The following RNF216 variants were observed in gnomAD, a reference collection of about 807,000 sequenced individuals.
RNF216 encodes the protein ring finger protein 216, also known as E3 ubiquitin-protein ligase RNF216.
A neutral mutation model predicts 110.8 loss-of-function variants in RNF216; 72 were observed. That is an observed-to-expected ratio of 0.65 (90% CI 0.54 to 0.79). The LOEUF is 0.79. Ranked by LOEUF, RNF216 falls within the 30% of genes least tolerant of loss-of-function variation. RNF216 has a pLI of 0.00. For missense variants in RNF216, 1,342 were observed against 1,141.2 expected, an observed-to-expected ratio of 1.18 and a Z score of -2.54; for synonymous variants, 495 against 407.5, an observed-to-expected ratio of 1.21 and a Z score of -2.59.
intron 6 of RNF216, among the ~76,000 whole-genome samples, chr7:5,730,154 G>T (rs1156255734): frequency 6.6e-6 from 1 of 152,222 alleles, no homozygotes; most frequent in Non-Finnish European, 1.5e-5. Flanking sequence ...TCTGGGTAAT[G>T]ACCTGCATGC....
chr7:5,759,177 C>T (rs1795798879), intron 2 of RNF216, among the ~76,000 whole-genome samples: 1 of 152,128 alleles, frequency 6.6e-6, no homozygotes, highest in African/African-American at 2.4e-5. Context: ...TCCCCTTTTC[C>T]TTCTGTCATG....
chr7:5,736,422 C>T (rs1171689504), intron 5 of RNF216, among the ~76,000 whole-genome samples: 1 of 152,218 alleles, frequency 6.6e-6, no homozygotes, highest in Non-Finnish European at 1.5e-5. Flanking sequence ...TCACTCAGTG[C>T]TCAGTGTTGC....
intron 13 of RNF216, among the ~76,000 whole-genome samples, chr7:5,698,497 T>C (rs1791770607): frequency 6.6e-6 from 1 of 152,036 alleles, no homozygotes; most frequent in South Asian, 2.1e-4. Context: ...TCAGGTGATC[T>C]TCCCGCCTCA....
intron 13 of RNF216, among the ~76,000 whole-genome samples, chr7:5,661,112 G>T (rs1299135163): frequency 6.6e-6 from 1 of 151,378 alleles, no homozygotes; most frequent in East Asian, 2.0e-4. Context: ...GCTAATTTTT[G>T]TATTTTTAGT....
rs1456478797 is a variant in RNF216, at chr7:5,740,128, T to C, written c.1045-776A>G. Among the ~76,000 whole-genome samples, 6 of 16,560 alleles carry C rather than the reference T, an allele frequency of 3.6e-4. 1 individual carries two copies. Among genetic ancestry groups the C allele is most frequent in the Admixed American group, 1.4e-3 (3 of 2,078 alleles). 10.9% of individuals were successfully genotyped at this position (16,560 alleles called of 152,430 possible). On this transcript the variant is annotated intron_variant, in intron 4 of 16. Transcript: ENST00000389902. ...CCTTTTTTTTTTTTTTTTTTTTTTT[T>C]TTTTTTTTTTTTTTGTGAGATAGAG...
intron 8 of RNF216, among the ~76,000 whole-genome samples, chr7:5,722,895 G>C (rs1014608951): frequency 2.6e-5 from 4 of 151,856 alleles, no homozygotes; most frequent in Non-Finnish European, 5.9e-5. Context: ...AGCTACTTGC[G>C]AGGCTGAGGC....
intron 2 of RNF216, among the ~76,000 whole-genome samples, chr7:5,755,279 TTATAA>T (rs559750906): frequency 1.4e-3 from 209 of 151,882 alleles, no homozygotes; most frequent in African/African-American, 4.9e-3. Flanking sequence ...ACCTATCACC[TTATAA>T]TAAAGTCCAG....
chr7:5,640,148 T>A (rs1343799240), intron 15 of RNF216, among the ~76,000 whole-genome samples: 1 of 151,936 alleles, frequency 6.6e-6, no homozygotes, highest in Non-Finnish European at 1.5e-5. Flanking sequence ...TCCGCCCACC[T>A]TGGCCTTCAA....
intron 8 of RNF216, among the ~76,000 whole-genome samples, chr7:5,724,560 C>G (rs1221054547): frequency 6.6e-6 from 1 of 152,172 alleles, no homozygotes; most frequent in Admixed American, 6.5e-5. Flanking sequence ...TCAGCAGAGC[C>G]ACTGCTCCAC....
At chr7:5,748,497 C>T (rs903096145) in intron 3 of RNF216, among the ~76,000 whole-genome samples, 1 of 152,134 alleles carries the variant, frequency 6.6e-6, no homozygotes. Flanking sequence ...TGGCCTTGGC[C>T]TCCCAAAGTG....
chr7:5,659,919 C>A (rs372112026), intron 13 of RNF216, among the ~76,000 whole-genome samples: 25 of 150,298 alleles, frequency 1.7e-4, no homozygotes, highest in African/African-American at 6.1e-4. Context: ...GACTTTATTA[C>A]TATTCTTCTT....
At chr7:5,730,308 G>A (rs930993265) in intron 6 of RNF216, among the ~76,000 whole-genome samples, 1 of 152,190 alleles carries the variant, frequency 6.6e-6, no homozygotes, top group African/African-American at 2.4e-5. Flanking sequence ...CTGTTAACTA[G>A]TACCAGTGGT....
intron 14 of RNF216, 58 bp downstream of exon 14, chr7:5,652,355 G>C: frequency 8.1e-7 from 1 of 1,233,658 alleles, no homozygotes; most frequent in Non-Finnish European, 1.2e-6. Flanking sequence ...CTACCAAAAA[G>C]CAGGTTAATG....
intron 13 of RNF216, among the ~76,000 whole-genome samples, chr7:5,672,276 G>C (rs144921627): frequency 1.3e-5 from 2 of 152,326 alleles, no homozygotes; most frequent in Non-Finnish European, 2.9e-5. Context: ...CCTGGAAGCA[G>C]CTGCCCCTAA....
intron 13 of RNF216, among the ~76,000 whole-genome samples, chr7:5,686,225 A>G (rs1056491924): frequency 1.0e-5 from 1 of 100,184 alleles, no homozygotes; most frequent in Admixed American, 9.6e-5. Flanking sequence ...CTCTGTTATT[A>G]AAAAAAAAAA....
At chr7:5,652,554 A>T (rs758167305) in intron 13 of RNF216, 44 bp from the exon 14 acceptor site, 1 of 1,300,228 alleles carries the variant, frequency 7.7e-7, no homozygotes, top group Non-Finnish European at 1.1e-6. Flanking sequence ...TGGTGAGTGG[A>T]CACCACAGAA....
chr7:5,682,936 C>A (rs959942791), intron 13 of RNF216, among the ~76,000 whole-genome samples: 3 of 152,102 alleles, frequency 2.0e-5, no homozygotes, highest in Non-Finnish European at 4.4e-5. Flanking sequence ...GAAAAAAATT[C>A]TACATTTCCA....
chr7:5,734,681 A>G (rs10228732), intron 5 of RNF216, among the ~76,000 whole-genome samples: 9,131 of 149,062 alleles, frequency 0.061, 993 homozygotes, highest in African/African-American at 0.22. Context: ...AATCCAAGCC[A>G]GGTGAGGTAA....
chr7:5,726,857 TAAA>T (rs1268067556), intron 7 of RNF216, among the ~76,000 whole-genome samples: 3 of 135,264 alleles, frequency 2.2e-5, no homozygotes, highest in Admixed American at 7.4e-5. Flanking sequence ...GACTCTGTCT[TAAA>T]AAAAAAAAAA....
Sources: allele counts gnomAD v4.1 joint callset (sites outside exome capture counted in the v4.1 genomes callset), GRCh38; gene constraint gnomAD v4.1.1; transcripts MANE v1.5; gene names NCBI Gene and HGNC (gene_info 2026-07-23, HGNC 2026-07-21).